The following TFEC variants were observed in gnomAD, a reference collection of about 807,000 sequenced individuals.
TFEC encodes the protein class E basic helix-loop-helix protein 34.
In TFEC, 31 loss-of-function variants were observed where a neutral mutation model predicts 41.6. That is an observed-to-expected ratio of 0.74 (90% CI 0.56 to 1.01). The LOEUF is 1.01. TFEC is among the 50% of genes least tolerant of loss of function. The pLI, the probability that TFEC is intolerant of heterozygous loss-of-function variation, is 0.00. For missense variants in TFEC, 402 were observed against 404.1 expected (o/e 0.99, Z 0.04); for synonymous variants, 143 against 140.6 (o/e 1.02, Z -0.12).
At chr7:116,062,684 G>C (rs933481074) in intron 3 of TFEC, among the ~76,000 whole-genome samples, 2 of 150,484 alleles carry the variant, frequency 1.3e-5, no homozygotes, top group East Asian at 2.0e-4. Context: ...ATAAACATGC[G>C]TGTGCAAATA....
At chr7:115,961,471 T>G (rs184129084) in intron 3 of TFEC, among the ~76,000 whole-genome samples, 1 of 151,546 alleles carries the variant, frequency 6.6e-6, no homozygotes, top group African/African-American at 2.4e-5. Flanking sequence ...ATTTTTGAAT[T>G]ATATAAATTA....
chr7:115,968,694 C>A (rs2130557060), intron 3 of TFEC, among the ~76,000 whole-genome samples: 1 of 151,862 alleles, frequency 6.6e-6, no homozygotes, highest in African/African-American at 2.4e-5. Flanking sequence ...TGTCTCAGAC[C>A]CCTTCAAATC....
chr7:115,941,237 C>T, intron 7 of TFEC: 1 of 220,116 alleles, frequency 4.5e-6, no homozygotes, highest in Non-Finnish European at 8.8e-6. Flanking sequence ...AGAAAGTCAT[C>T]TATTTATTCT....
intron 1 of TFEC, among the ~76,000 whole-genome samples, chr7:116,131,706 A>G (rs2116315391): frequency 6.6e-6 from 1 of 152,216 alleles, no homozygotes; most frequent in East Asian, 1.9e-4. Context: ...TTGTTTCCTC[A>G]AGTATTGTTC....
At chr7:116,116,061 A>G (rs937700092) in intron 1 of TFEC, among the ~76,000 whole-genome samples, 5 of 151,936 alleles carry the variant, frequency 3.3e-5, no homozygotes, top group Non-Finnish European at 7.4e-5. Context: ...TATTTTCACT[A>G]GAAAGAACAT....
At chr7:116,136,737 T>C (rs1179029218) in intron 1 of TFEC, among the ~76,000 whole-genome samples, 1 of 151,960 alleles carries the variant, frequency 6.6e-6, no homozygotes, top group East Asian at 1.9e-4. Context: ...CTCAATTTAT[T>C]TGTAAAGCTA....
Position 115,950,867 on chromosome 7 carries a change from A to T in TFEC, c.515+7T>A. The T allele has an allele frequency of 6.3e-7, 1 of 1,591,910 alleles. No individual in the cohort carries two copies. Among genetic ancestry groups the T allele is most frequent in the Non-Finnish European group, 8.6e-7 (1 of 1,167,102 alleles). ...AACATTATTATAGAAATGATTGTTGAACTCACGGATCATTAGACTTTGGAA... is the reference window on the plus strand; with the variant it reads ...AACATTATTATAGAAATGATTGTTGTACTCACGGATCATTAGACTTTGGAA... On this transcript the variant is annotated splice_region_variant and intron_variant, in intron 6 of 7. Transcript: ENST00000265440.
intron 3 of TFEC, among the ~76,000 whole-genome samples, chr7:116,091,800 G>A (rs1233022342): frequency 6.6e-6 from 1 of 151,706 alleles, no homozygotes; most frequent in East Asian, 1.9e-4. Flanking sequence ...GTGCTTAGTT[G>A]TATAGAAAAA....
At chr7:115,967,870 AAAC>A (rs1292456369) in intron 3 of TFEC, among the ~76,000 whole-genome samples, 2 of 151,868 alleles carry the variant, frequency 1.3e-5, no homozygotes, top group Non-Finnish European at 2.9e-5. Context: ...TAATAAATAA[AAAC>A]AATTAATTTA....
chr7:116,042,141 G>A (rs749825157), intron 3 of TFEC, among the ~76,000 whole-genome samples: 1 of 152,096 alleles, frequency 6.6e-6, no homozygotes, highest in Non-Finnish European at 1.5e-5. Context: ...AGTATAGATG[G>A]AAAAGTGAAA....
chr7:115,961,547 T>A (rs1026093547), intron 3 of TFEC, among the ~76,000 whole-genome samples: 1 of 151,300 alleles, frequency 6.6e-6, no homozygotes, highest in African/African-American at 2.4e-5. Flanking sequence ...ATAGATAATA[T>A]AATAAGGCCG....
intron 1 of TFEC, among the ~76,000 whole-genome samples, chr7:116,130,330 T>G (rs941395116): frequency 7.9e-5 from 12 of 152,180 alleles, no homozygotes; most frequent in Admixed American, 2.0e-4. Context: ...AACGTGCTCT[T>G]TATGGCAGCA....
In TFEC at chr7:116,015,728, G is replaced by T. The variant is rs78718823; in HGVS notation, c.-73+14905C>A. Among the ~76,000 whole-genome samples, 1,000 of 152,208 alleles carry T rather than the reference G, an allele frequency of 6.6e-3. 10 individuals carry two copies. The highest frequency in any genetic ancestry group is 0.023 in the African/African-American group (952 of 41,528). On this transcript the variant is annotated intron_variant, in intron 1 of 7. Transcript: ENST00000265440. ...ATACACCACGATGAAGGGAAAGGAA[G>T]ATTCACATATTATGCATTCAGATGA...
chr7:115,960,750 G>C (rs1792499145), intron 3 of TFEC, among the ~76,000 whole-genome samples: 1 of 151,308 alleles, frequency 6.6e-6, no homozygotes, highest in South Asian at 2.1e-4. Flanking sequence ...AAGAAAACAG[G>C]AACTAGATAA....
chr7:116,038,532 G>C (rs943026007), intron 3 of TFEC, among the ~76,000 whole-genome samples: 2 of 152,002 alleles, frequency 1.3e-5, no homozygotes, highest in African/African-American at 2.4e-5. Context: ...ATTGGGAAAG[G>C]AAGATTATGT....
At chr7:116,053,026 C>A (rs1796349693) in intron 3 of TFEC, among the ~76,000 whole-genome samples, 1 of 151,898 alleles carries the variant, frequency 6.6e-6, no homozygotes, top group Admixed American at 6.6e-5. Flanking sequence ...GAGCCAAGAT[C>A]TTGCCACTGC....
chr7:115,966,269 T>C (rs1792843159), intron 3 of TFEC, among the ~76,000 whole-genome samples: 1 of 151,678 alleles, frequency 6.6e-6, no homozygotes, highest in Admixed American at 6.6e-5. Context: ...ACTGTGCCCA[T>C]GGCTCTCAAC....
At chr7:115,970,500 G>T (rs1793084490) in intron 3 of TFEC, among the ~76,000 whole-genome samples, 1 of 151,910 alleles carries the variant, frequency 6.6e-6, no homozygotes, top group African/African-American at 2.4e-5. Flanking sequence ...TAGCCTAGTA[G>T]CCAGAGAGGA....
chr7:116,081,013 GTGTA>G (rs1365485263), intron 3 of TFEC, among the ~76,000 whole-genome samples: 2 of 148,994 alleles, frequency 1.3e-5, no homozygotes, highest in Non-Finnish European at 3.0e-5. Flanking sequence ...GTGTGTGTGT[GTGTA>G]TAAATATAAA....
Sources: gnomAD v4.1 joint callset for allele counts (sites outside exome capture counted in the v4.1 genomes callset) on GRCh38, gnomAD v4.1.1 for gene constraint, MANE v1.5 for transcripts, NCBI Gene and HGNC (gene_info 2026-07-23, HGNC 2026-07-21) for gene names.